FYTTD1: variants seen among roughly 807,000 people sequenced by gnomAD.
FYTTD1 encodes UAP56-interacting factor.
Under a neutral mutation model 40.9 loss-of-function variants are expected in FYTTD1, and 22 were observed. That is an observed-to-expected ratio of 0.54 (90% CI 0.38 to 0.77). The LOEUF (loss-of-function observed/expected upper bound fraction) is 0.77. Ranked by LOEUF, FYTTD1 falls within the 30% of genes least tolerant of loss-of-function variation. FYTTD1 has a pLI of 0.00. For missense variants in FYTTD1, 351 were observed against 392.2 expected (o/e 0.90, Z 0.89); for synonymous variants, 140 against 137.9 (o/e 1.01, Z -0.10).
chr3:197,762,014 G>A (rs745668364), intron 2 of FYTTD1, among the ~76,000 whole-genome samples: 6 of 152,142 alleles, frequency 3.9e-5, no homozygotes, highest in Non-Finnish European at 8.8e-5. Flanking sequence ...GTCCTTGTGT[G>A]GCAGAAAGAA....
chr3:197,750,673 C>T (rs1328995308), intron 1 of FYTTD1: 3 of 985,346 alleles, frequency 3.0e-6, no homozygotes, highest in Non-Finnish European at 3.6e-6. Context: ...AGAAAGGAAG[C>T]AGCGCTCGGC....
intron 2 of FYTTD1, among the ~76,000 whole-genome samples, chr3:197,759,504 G>A (rs139548261): frequency 0.023 from 3,570 of 152,000 alleles, 84 homozygotes; most frequent in East Asian, 0.052. Flanking sequence ...GTGGTAGAAT[G>A]TATGGAGTTG....
chr3:197,781,581 A>G (rs1382761620), intron 8 of FYTTD1, among the ~76,000 whole-genome samples: 1 of 152,208 alleles, frequency 6.6e-6, no homozygotes, highest in Non-Finnish European at 1.5e-5. Flanking sequence ...AAAATAATTC[A>G]GATAGGGGCT....
chr3:197,766,430 G>GGTGTGT (rs111725145), intron 2 of FYTTD1, among the ~76,000 whole-genome samples: 3,569 of 135,056 alleles, frequency 0.026, 99 homozygotes, highest in African/African-American at 0.063. Flanking sequence ...GTTTGAGACT[G>GGTGTGT]GTGTGTGTGT....
In FYTTD1 at chr3:197,749,978, C is replaced by T. The variant is rs780198355; in HGVS notation, c.7C>T (p.Arg3Trp). 5.7e-6 allele frequency: 9 copies of T among 1,578,754 alleles called. No homozygotes were observed. The African/African-American group carries it at 7.0e-5, about 12-fold the overall frequency. Residue 3 changes from arginine to tryptophan, a missense_variant, in exon 1 of 9, where the codon CGG becomes TGG. Arg to Trp is a moderately radical substitution (Grantham distance 101). Transcript: ENST00000241502. MN[R>W]FGTRLVGATA... Reference sequence around the variant, plus strand: ...CGGCGCGACGTCTCCAGCCATGAACCGGTTTGGTACCCGGTTGGTGGGAGC... The same window carrying T: ...CGGCGCGACGTCTCCAGCCATGAACTGGTTTGGTACCCGGTTGGTGGGAGC...
At chr3:197,776,469 T>C (rs140326714) in intron 6 of FYTTD1, among the ~76,000 whole-genome samples, 1,645 of 148,954 alleles carry the variant, frequency 0.011, 38 homozygotes, top group African/African-American at 0.039. Context: ...ATGATCCACC[T>C]GCCTCTGCCT....
chr3:197,779,735 G>A (rs976336700), intron 8 of FYTTD1, among the ~76,000 whole-genome samples: 2 of 149,058 alleles, frequency 1.3e-5, no homozygotes, highest in Non-Finnish European at 3.0e-5. Flanking sequence ...TGAGGATACA[G>A]GCACACACAC....
intron 8 of FYTTD1, among the ~76,000 whole-genome samples, chr3:197,779,491 T>C (rs75557144): frequency 0.024 from 3,565 of 150,414 alleles, 122 homozygotes; most frequent in African/African-American, 0.081. Flanking sequence ...TTTGCTAAAT[T>C]CACTTACTTT....
At chr3:197,767,621 T>C (rs991746076) in intron 2 of FYTTD1, among the ~76,000 whole-genome samples, 1 of 152,262 alleles carries the variant, frequency 6.6e-6, no homozygotes, top group East Asian at 1.9e-4. Context: ...TGTGCTACTA[T>C]GCCCAACTAA....
intron 2 of FYTTD1, among the ~76,000 whole-genome samples, chr3:197,762,374 A>G (rs1224794308): frequency 6.6e-6 from 1 of 151,886 alleles, no homozygotes; most frequent in Non-Finnish European, 1.5e-5. Flanking sequence ...GCAGATCACA[A>G]GGTCAGGAGT....
intron 1 of FYTTD1, chr3:197,755,766 G>GGAT: frequency 1.3e-6 from 2 of 1,547,642 alleles, no homozygotes. Flanking sequence ...GGGATTATAG[G>GGAT]TGTGAGTCAC....
At chr3:197,770,905 C>G (rs1226371473) in intron 4 of FYTTD1, among the ~76,000 whole-genome samples, 10 of 152,204 alleles carry the variant, frequency 6.6e-5, no homozygotes, top group Non-Finnish European at 1.2e-4. Flanking sequence ...ATTCTGAAAT[C>G]TCAATTTGTT....
At chr3:197,776,152 G>A (rs541482780) in intron 6 of FYTTD1, among the ~76,000 whole-genome samples, 1 of 152,036 alleles carries the variant, frequency 6.6e-6, no homozygotes, top group Admixed American at 6.5e-5. Context: ...TTTCATGGTG[G>A]GTAAGGAAAC....
chr3:197,782,012 G>T lies in FYTTD1; in HGVS notation c.*103G>T, dbSNP rs1730041036. On this transcript the variant is annotated 3_prime_UTR_variant, in exon 9 of 9. Coordinates refer to ENST00000241502, the MANE Select transcript of FYTTD1 (RefSeq NM_032288.7). ...AAACTTTACTTCAAAATATTCACAA[G>T]GCTAAATAACTCTTATTTTTATTTT... is the stretch of plus-strand genomic sequence containing the variant. 1 of 547,378 alleles carries T rather than the reference G, an allele frequency of 1.8e-6. No homozygotes were observed. The highest frequency in any genetic ancestry group is 4.3e-5 in the South Asian group (1 of 23,006). The allele number at this position is 547,378 out of a possible 1,614,324, so 33.9% of individuals were successfully genotyped here. A position where few individuals can be genotyped will look rare whatever the true frequency, so the allele number is the denominator to read the frequency against.
In FYTTD1 at chr3:197,756,410, A is replaced by G. The variant is rs1729215952; in HGVS notation, c.104-16A>G. 1 of 1,581,058 alleles carries G rather than the reference A, an allele frequency of 6.3e-7. No homozygotes were observed. ...TTAAGTTAAAATGAAAATAATTGAC[A>G]TTTCCTCTATCATAGATGATATCAT... On this transcript the variant is annotated splice_polypyrimidine_tract_variant and intron_variant, in intron 1 of 8. Coordinates refer to ENST00000241502, the MANE Select transcript of FYTTD1 (RefSeq NM_032288.7).
At chr3:197,756,878 T>G (rs1729229641) in intron 2 of FYTTD1, among the ~76,000 whole-genome samples, 1 of 152,240 alleles carries the variant, frequency 6.6e-6, no homozygotes, top group Non-Finnish European at 1.5e-5. Context: ...AGATGTTCCT[T>G]TAACAGTCTG....
intron 2 of FYTTD1, among the ~76,000 whole-genome samples, chr3:197,757,099 A>T (rs937044524): frequency 1.3e-5 from 2 of 152,198 alleles, no homozygotes; most frequent in Middle Eastern, 3.4e-3. Flanking sequence ...TGACCTCCAG[A>T]CTCCTTATCT....
At chr3:197,769,636 C>T (rs993576510) in intron 3 of FYTTD1, among the ~76,000 whole-genome samples, 14 of 152,158 alleles carry the variant, frequency 9.2e-5, no homozygotes, top group Non-Finnish European at 1.8e-4. Context: ...CTAACCACGT[C>T]TACTCCAGCG....
chr3:197,764,799 G>T (rs1010908576), intron 2 of FYTTD1, among the ~76,000 whole-genome samples: 1 of 149,884 alleles, frequency 6.7e-6, no homozygotes, highest in Non-Finnish European at 1.5e-5. Flanking sequence ...CCAATGTACT[G>T]TACTATCAAT....
Sources: allele counts gnomAD v4.1 joint callset (sites outside exome capture counted in the v4.1 genomes callset), GRCh38; gene constraint gnomAD v4.1.1; transcripts MANE v1.5; gene names NCBI Gene and HGNC (gene_info 2026-07-23, HGNC 2026-07-21).